The following PDXDC1 variants were observed in gnomAD, a reference collection of about 807,000 sequenced individuals.
PDXDC1 encodes the protein pyridoxal-dependent decarboxylase domain-containing protein 1.
Under a neutral mutation model 100.1 loss-of-function variants are expected in PDXDC1, and 42 were observed. That is an observed-to-expected ratio of 0.42 (90% confidence interval 0.33 to 0.54). The LOEUF is 0.54. PDXDC1 is among the 20% of genes least tolerant of loss of function. The probability of loss-of-function intolerance (pLI) is 0.10; values close to 1 mark genes in which losing one functional copy is unlikely to be tolerated. For synonymous variants in PDXDC1, 260 were observed against 371.7 expected, an observed-to-expected ratio of 0.70 and a Z score of 3.46; for missense variants, 636 against 979.2, an observed-to-expected ratio of 0.65 and a Z score of 4.68.
chr16:15,124,233 C>A (rs1180548023), intron 16 of PDXDC1, among the ~76,000 whole-genome samples: 6 of 152,148 alleles, frequency 3.9e-5, no homozygotes, highest in Admixed American at 2.6e-4. Context: ...AGGACAGACC[C>A]CCACTGTCCA....
chr16:15,085,790 G>A (rs1485709376), intron 16 of PDXDC1: 9 of 1,519,796 alleles, frequency 5.9e-6, no homozygotes, highest in African/African-American at 1.4e-5. Flanking sequence ...ACAATGAACA[G>A]CTATAAAAAA....
At chr16:15,028,343 G>T (rs1194573244) in intron 14 of PDXDC1, among the ~76,000 whole-genome samples, 21 of 152,288 alleles carry the variant, frequency 1.4e-4, no homozygotes, top group Non-Finnish European at 2.6e-4. Context: ...TGCCTATCGT[G>T]CCTGAGGGGA....
chr16:15,127,865 G>C (rs1350415831), intron 16 of PDXDC1: 1 of 1,563,720 alleles, frequency 6.4e-7, no homozygotes, highest in Non-Finnish European at 8.7e-7. Flanking sequence ...TCAGCCACCA[G>C]CAGGCGCCGG....
intron 1 of PDXDC1, among the ~76,000 whole-genome samples, chr16:14,996,154 C>G (rs1971912120): frequency 6.6e-6 from 1 of 152,278 alleles, no homozygotes; most frequent in Admixed American, 6.5e-5. Flanking sequence ...CTCAGGAGAA[C>G]ACAGCTGGAA....
intron 16 of PDXDC1, among the ~76,000 whole-genome samples, chr16:15,030,764 G>T (rs1189656408): frequency 2.0e-5 from 3 of 151,140 alleles, no homozygotes; most frequent in Non-Finnish European, 2.9e-5. Context: ...TGCATTTTTT[G>T]TAGAAATGGG....
intron 16 of PDXDC1, among the ~76,000 whole-genome samples, chr16:15,116,593 GA>G (rs2047247688): frequency 9.5e-6 from 1 of 105,276 alleles, no homozygotes; most frequent in Non-Finnish European, 2.0e-5. Flanking sequence ...TTATGTGAGT[GA>G]AGACGAAGAC....
At chr16:15,073,663 G>C (rs146010070) in intron 16 of PDXDC1, among the ~76,000 whole-genome samples, 7 of 152,096 alleles carry the variant, frequency 4.6e-5, no homozygotes, top group African/African-American at 1.7e-4. Flanking sequence ...CCTCTAATCC[G>C]ATCATTTTAC....
downstream of PDXDC1, chr16:15,041,808 C>T: frequency 1.4e-6 from 1 of 709,216 alleles, no homozygotes; most frequent in East Asian, 2.7e-5. Flanking sequence ...CGCGCCCACA[C>T]TGCCACAGCC....
intron 1 of PDXDC1, among the ~76,000 whole-genome samples, chr16:14,977,340 G>A (rs1373070703): frequency 2.0e-5 from 3 of 150,994 alleles, no homozygotes; most frequent in Non-Finnish European, 4.4e-5. Context: ...AGTGCAGTGA[G>A]GCGATCTCGG....
chr16:15,110,211 C>G (rs1467937647), intron 16 of PDXDC1, among the ~76,000 whole-genome samples: 1 of 148,616 alleles, frequency 6.7e-6, no homozygotes, highest in African/African-American at 2.4e-5. Context: ...AACTCCTCTT[C>G]CCCTGAAAAA....
At chr16:15,063,161 A>G (rs1461146003) in intron 16 of PDXDC1, 1 of 1,409,062 alleles carries the variant, frequency 7.1e-7, no homozygotes, top group Non-Finnish European at 1.0e-6. Flanking sequence ...CAGAAAGGAG[A>G]TTCCGAGAGT....
chr16:15,085,159 T>C (rs34654198), intron 16 of PDXDC1, among the ~76,000 whole-genome samples: 1 of 152,204 alleles, frequency 6.6e-6, no homozygotes, highest in Admixed American at 6.5e-5. Flanking sequence ...AATTTCAAGA[T>C]TTTTCTCCAC....
downstream of PDXDC1, among the ~76,000 whole-genome samples, chr16:15,039,263 TA>T (rs2043695988): frequency 6.6e-6 from 1 of 152,204 alleles, no homozygotes; most frequent in Admixed American, 6.5e-5. Flanking sequence ...CTAGGCCTGT[TA>T]CACTCCTTGA....
chr16:15,010,572 C>A (rs1479736784), intron 8 of PDXDC1, among the ~76,000 whole-genome samples: 6 of 152,290 alleles, frequency 3.9e-5, no homozygotes, highest in African/African-American at 1.2e-4. Flanking sequence ...ACTTAAATAT[C>A]TACCTTATAG....
intron 16 of PDXDC1, among the ~76,000 whole-genome samples, chr16:15,062,440 C>G (rs2044751882): frequency 6.6e-6 from 1 of 152,062 alleles, no homozygotes; most frequent in African/African-American, 2.4e-5. Flanking sequence ...ACAAAAAAGC[C>G]ATCTTGAAGC....
intron 16 of PDXDC1, among the ~76,000 whole-genome samples, chr16:15,064,138 C>G (rs2044847494): frequency 1.3e-5 from 2 of 152,022 alleles, no homozygotes; most frequent in African/African-American, 4.8e-5. Context: ...CAGTGGTTTT[C>G]TAGAACAACT....
At position 15,031,802 on chromosome 16, in the gene PDXDC1, G is replaced by A. The variant is rs747265078; in HGVS notation, c.1467G>A (p.Leu489=). 5 of 1,614,002 alleles carry A rather than the reference G, an allele frequency of 3.1e-6. No individual in the cohort carries two copies. The highest frequency in any genetic ancestry group is 4.2e-6 in the Non-Finnish European group (5 of 1,179,910). Residue 489 remains leucine (L), a synonymous_variant, in exon 17 of 23, where the codon CTG becomes CTA. Coordinates refer to ENST00000396410, the MANE Select transcript of PDXDC1 (RefSeq NM_015027.4). Reference sequence around the variant, plus strand: ...GCATAGAAAGCAAACTGCCAGTGCTGTGCTGTACGCTCCAGTTGCGTGAAG... The same window carrying A: ...GCATAGAAAGCAAACTGCCAGTGCTATGCTGTACGCTCCAGTTGCGTGAAG... ...VACIESKLPV[L]CCTLQLREEF... is the part of the protein sequence containing the mutation.
chr16:15,143,840 T>C (rs1337151695), downstream of PDXDC1, among the ~76,000 whole-genome samples: 4 of 152,164 alleles, frequency 2.6e-5, no homozygotes, highest in Admixed American at 2.0e-4. Context: ...CCAGACCAGA[T>C]GCTGAGTGGG....
Position 15,070,248 on chromosome 16 carries a change from T to C in PDXDC1, c.1399+40192T>C, listed in dbSNP as rs750726811. 9.3e-6 allele frequency: 15 copies of C among 1,611,336 alleles called. No individual in the cohort carries two copies. The East Asian group carries it at 3.3e-4, about 36-fold the overall frequency. On this transcript the variant is annotated intron_variant, in intron 16 of 16. Transcript: ENST00000535621. ...TAACCAAAAGATCTAGGCATGATTT[T>C]ACAGTACTAGAGAAAAGAAAAATTC...
Sources: gnomAD v4.1 joint callset for allele counts (sites outside exome capture counted in the v4.1 genomes callset) on GRCh38, gnomAD v4.1.1 for gene constraint, MANE v1.5 for transcripts, NCBI Gene and HGNC (gene_info 2026-07-23, HGNC 2026-07-21) for gene names.